The following SLC11A1 variants were observed in gnomAD, a reference collection of about 807,000 sequenced individuals.
SLC11A1 encodes the protein natural resistance-associated macrophage protein 1.
SLC11A1 carries 59 observed loss-of-function variants against 63.2 expected under a neutral mutation model. The ratio of observed to expected loss-of-function variants is 0.93; its 90% CI spans 0.76 to 1.16. The LOEUF is 1.16. Ranked by LOEUF, SLC11A1 falls within the 50% of genes most tolerant of loss-of-function variation. The pLI is 0.00. For missense variants in SLC11A1, 688 were observed against 730.7 expected, an observed-to-expected ratio of 0.94 and a Z score of 0.67; for synonymous variants, 305 against 307.8, an observed-to-expected ratio of 0.99 and a Z score of 0.09.
At position 218,390,038 on chromosome 2, in the gene SLC11A1, A is replaced by C; in HGVS notation, c.954+10A>C. The C allele has an allele frequency of 6.2e-7, 1 of 1,605,090 alleles. No homozygotes were observed. The highest frequency in any genetic ancestry group is 8.5e-7 in the Non-Finnish European group (1 of 1,175,140). On this transcript the variant is annotated intron_variant, in intron 9 of 14. Coordinates refer to ENST00000233202, the MANE Select transcript of SLC11A1 (RefSeq NM_000578.4). ...AACCAACCAGGCTGCGGTGAGACAC[A>C]CTTTCCCCCGCACCTGAGGCCACAC...
At position 218,386,752 on chromosome 2, in the gene SLC11A1, A is replaced by G. The variant is rs775964315; in HGVS notation, c.500+11A>G. On this transcript the variant is annotated intron_variant, in intron 5 of 14. Transcript: ENST00000233202. Reference sequence around the variant, plus strand: ...GCTCTCAGCTGGACGGTACCACCCCAGTGTACCCCAACTCTTCAGGCCAGG... The same window carrying G: ...GCTCTCAGCTGGACGGTACCACCCCGGTGTACCCCAACTCTTCAGGCCAGG... 1 of 1,597,348 alleles carries G rather than the reference A, an allele frequency of 6.3e-7. No individual in the cohort carries two copies. The highest frequency in any genetic ancestry group is 8.6e-7 in the Non-Finnish European group (1 of 1,165,008).
chr2:218,393,195 C>T (rs1051271984), intron 12 of SLC11A1, 65 bp downstream of exon 12: 2 of 1,414,204 alleles, frequency 1.4e-6, no homozygotes, highest in South Asian at 3.0e-5. Flanking sequence ...CAGCAACCCC[C>T]ACGCTGAGCC....
rs897077730 is a variant in SLC11A1 at position 218,386,634 on chromosome 2, G to A, written c.394-1G>A. 3.7e-6 allele frequency: 6 copies of A among 1,611,668 alleles called. No homozygotes were observed. The Admixed American group carries it at 1.0e-4, about 27-fold the overall frequency. On this transcript the variant is annotated splice_acceptor_variant, in intron 4 of 14. Transcript: ENST00000233202. LOFTEE classifies it high-confidence loss of function. The stretch of plus-strand genomic sequence containing the variant: ...AATGAAGGATCATCTCCTCCCCATA[G>A]GTGCCCCGCACCGTCCTCTGGCTGA...
chr2:218,384,324 A>G lies in SLC11A1; in HGVS notation c.232A>G (p.Ile78Val), dbSNP rs772415750. 4 of 1,608,580 alleles carry G rather than the reference A, an allele frequency of 2.5e-6. No individual in the cohort carries two copies. In the Admixed American group the frequency reaches 6.7e-5, roughly 27 times the overall value. The change falls in exon 3 of 15, where the codon ATC becomes GTC. Residue 78 changes from isoleucine (I) to valine (V), a missense_variant. Physicochemically the swap from Ile to Val is conservative, Grantham distance 29. Coordinates refer to ENST00000233202, the MANE Select transcript of SLC11A1 (RefSeq NM_000578.4). This position sits in a 1 kb window ranked among gnomAD's most constrained non-coding sequence, Gnocchi z 4.0. The stretch of plus-strand genomic sequence containing the variant: ...CATTGCTTTCCTGGACCCAGGAAAC[A>G]TCGAGTCAGATCTTCAGGCTGGCGC... Reference protein sequence around the residue: ...MSIAFLDPGNIESDLQAGAVA... With the variant: ...MSIAFLDPGNVESDLQAGAVA...
rs538268961 is a variant in SLC11A1 at position 218,384,111 on chromosome 2, C to A, written c.151-132C>A. The A allele has an allele frequency of 5.4e-5, 52 of 955,770 alleles. No individual in the cohort carries two copies. The East Asian group carries it at 1.4e-3, about 26-fold the overall frequency. The allele number at this position is 955,770 out of a possible 1,614,324, so 59.2% of individuals were successfully genotyped here. A position where few individuals can be genotyped will look rare whatever the true frequency, so the allele number is the denominator to read the frequency against. ...CCTCCCCATCCCTTGGGTGGCAGAC[C>A]CAGGAATGGGCCATGGAGGGCAGGG... is the stretch of plus-strand genomic sequence containing the variant. On this transcript the variant is annotated intron_variant, in intron 2 of 14. Transcript: ENST00000233202. The surrounding 1 kb of genome is among the most constrained non-coding windows in gnomAD (Gnocchi z 4.0).
At position 218,394,952 on chromosome 2, in the gene SLC11A1, G is replaced by A; in HGVS notation, c.1570G>A (p.Ala524Thr). The A allele has an allele frequency of 6.2e-7, 1 of 1,613,212 alleles. No homozygotes were observed. The highest frequency in any genetic ancestry group is 1.7e-4 in the Middle Eastern group (1 of 6,060). ...CTGGACCTGTTGCCTTGCCCACGGA[G>A]CCACCTTTCTGGCCCACAGCTCCCA... is the stretch of plus-strand genomic sequence containing the variant. ...LVWTCCLAHG[A>T]TFLAHSSHHH... The change falls in exon 15 of 15, where the codon GCC (alanine) becomes ACC (threonine). Residue 524 changes from alanine to threonine, a missense_variant. By Grantham distance (58) the Ala-to-Thr change is moderately conservative (BLOSUM62 0). Transcript: ENST00000233202.
In SLC11A1 at chr2:218,387,212, C is replaced by T; in HGVS notation, c.553C>T (p.Leu185Phe). ...LITIVDTFFFLFLDNYGLRKL... is the reference protein window; with the variant it reads ...LITIVDTFFFFFLDNYGLRKL... The stretch of plus-strand genomic sequence containing the variant: ...CACCATCGTGGACACCTTCTTCTTC[C>T]TCTTCCTCGATAACTACGGTGGGTG... Residue 185 changes from leucine to phenylalanine, a missense_variant, in exon 6 of 15, where the codon CTC (leucine) becomes TTC (phenylalanine). Physicochemically the swap from Leu to Phe is conservative, Grantham distance 22. Coordinates refer to ENST00000233202, the MANE Select transcript of SLC11A1 (RefSeq NM_000578.4). 6.2e-7 allele frequency: 1 copy of T among 1,613,876 alleles called. No homozygotes were observed.
At chr2:218,394,276 C>T in intron 13 of SLC11A1, 83 bp downstream of exon 13, 1 of 1,362,728 alleles carries the variant, frequency 7.3e-7, no homozygotes, top group Non-Finnish European at 1.0e-6. Context: ...CTACAATTCT[C>T]CCCATTATCC....
At chr2:218,394,023 C>T (rs1442793417) in intron 12 of SLC11A1, 97 bp from the exon 13 acceptor site, 1 of 1,234,428 alleles carries the variant, frequency 8.1e-7, no homozygotes, top group Non-Finnish European at 1.2e-6. Context: ...TGAGCTCACA[C>T]CCACACAGAG....
chr2:218,387,341 C>T, intron 6 of SLC11A1, 111 bp downstream of exon 6: 1 of 1,115,228 alleles, frequency 9.0e-7, no homozygotes, highest in South Asian at 1.4e-5. Flanking sequence ...CCTCACTCTC[C>T]CTGGGTGGCC....
chr2:218,383,303 G>T, intron 2 of SLC11A1: 1 of 583,150 alleles, frequency 1.7e-6, no homozygotes, highest in East Asian at 2.8e-5. Context: ...TTGTCTAAAA[G>T]CGATTAAATG....
Position 218,382,392 on chromosome 2 carries a change from A to AG in SLC11A1, c.7+20dup. 1 of 1,613,374 alleles carries AG rather than the reference A, an allele frequency of 6.2e-7. No individual in the cohort carries two copies. Among genetic ancestry groups the AG allele is most frequent in the Non-Finnish European group, 8.5e-7 (1 of 1,179,524 alleles). On this transcript the variant is annotated intron_variant, in intron 1 of 14. Transcript: ENST00000233202. The stretch of plus-strand genomic sequence containing the variant: ...CAATGACAGGTGAGTAGTGGCCCCT[A>AG]GGGACAGAGCCTGATTGGGGGGTGG...
At chr2:218,387,104 T>C (rs1696145974) in intron 5 of SLC11A1, 56 bp from the exon 6 acceptor site, 1 of 1,510,598 alleles carries the variant, frequency 6.6e-7, no homozygotes, top group Non-Finnish European at 9.2e-7. Flanking sequence ...TGAGGCTCCG[T>C]AGGAGTTAGA....
rs1005062448 is a variant in SLC11A1 at position 218,384,998 on chromosome 2, C to T, written c.274-149C>T. On this transcript the variant is annotated intron_variant, in intron 3 of 14. Transcript: ENST00000233202. This position sits in a 1 kb window ranked among gnomAD's most constrained non-coding sequence, Gnocchi z 4.0. The stretch of plus-strand genomic sequence containing the variant: ...TTAGCCTTTTAAAGTGCTGGGATTA[C>T]AGGGTGAGCTACCAGCGCCCAGCCA... The T allele has an allele frequency of 1.1e-5, 11 of 981,120 alleles. No individual in the cohort carries two copies. Among genetic ancestry groups the T allele is most frequent in the Non-Finnish European group, 1.3e-5 (9 of 667,980 alleles). 60.8% of individuals were successfully genotyped at this position (981,120 alleles called of 1,614,324 possible).
chr2:218,382,310 G>A lies in SLC11A1; in HGVS notation c.-59G>A. 2 of 1,605,042 alleles carry A rather than the reference G, an allele frequency of 1.2e-6. No homozygotes were observed. Among genetic ancestry groups the A allele is most frequent in the Non-Finnish European group, 1.7e-6 (2 of 1,174,420 alleles). On this transcript the variant is annotated 5_prime_UTR_variant, in exon 1 of 15. Coordinates refer to ENST00000233202, the MANE Select transcript of SLC11A1 (RefSeq NM_000578.4). ...ACCAGTGCCCAGAGAGGGGGTGCAG[G>A]CTGAGGAGCTGCCCAGAGCACCGCT...
Position 218,395,080 on chromosome 2 carries a change from G to A in SLC11A1, c.*45G>A, listed in dbSNP as rs1450312810. ...TGGGAGTGGCATGTATGACGTGACT[G>A]GCCTGCTGGATGTGGAGGGGGCGCG... On this transcript the variant is annotated 3_prime_UTR_variant, in exon 15 of 15. Coordinates refer to ENST00000233202, the MANE Select transcript of SLC11A1 (RefSeq NM_000578.4). The A allele has an allele frequency of 2.1e-6, 3 of 1,446,264 alleles. No homozygotes were observed. Among genetic ancestry groups the A allele is most frequent in the African/African-American group, 2.9e-5 (2 of 69,168 alleles). The allele number at this position is 1,446,264 out of a possible 1,614,324, so 89.6% of individuals were successfully genotyped here. A position where few individuals can be genotyped will look rare whatever the true frequency, so the allele number is the denominator to read the frequency against.
intron 12 of SLC11A1, among the ~76,000 whole-genome samples, 197 bp from the exon 13 acceptor site, chr2:218,393,923 C>T (rs1157912824): frequency 6.6e-6 from 1 of 152,058 alleles, no homozygotes; most frequent in East Asian, 1.9e-4. Flanking sequence ...CAACCTGGTG[C>T]CAGAGCCCCC....
chr2:218,396,590 GAA>G lies in SLC11A1; in HGVS notation c.*1556_*1557del, dbSNP rs1380171034. 1.3e-5 allele frequency: 2 copies of G among 152,454 alleles called. No individual in the cohort carries two copies. The highest frequency in any genetic ancestry group is 1.3e-4 in the Admixed American group (2 of 15,282). 9.4% of individuals were successfully genotyped at this position (152,454 alleles called of 1,614,324 possible). On this transcript the variant is annotated 3_prime_UTR_variant, in exon 15 of 15. Coordinates refer to ENST00000233202, the MANE Select transcript of SLC11A1 (RefSeq NM_000578.4). Reference sequence around the variant, plus strand: ...GATGCGAGTGGGTCCCTCAAGGAGAGAAGAGATGGGACCGGTCTGGTGCGACC... The same window carrying G: ...GATGCGAGTGGGTCCCTCAAGGAGAGGAGATGGGACCGGTCTGGTGCGACC...
chr2:218,387,856 G>A lies in SLC11A1; in HGVS notation c.696G>A (p.Ser232=). The change falls in exon 8 of 15, where the codon TCG becomes TCA. Residue 232 remains serine, a synonymous_variant. Transcript: ENST00000233202. The stretch of plus-strand genomic sequence containing the variant: ...TTCTTCGGGGCCTGTTCCTGCCCTC[G>A]TGCCCGGGCTGCGGCCACCCCGAGC... The part of the protein sequence containing the change: ...GALLRGLFLP[S]CPGCGHPELL... 1 of 1,601,706 alleles carries A rather than the reference G, an allele frequency of 6.2e-7. No homozygotes were observed. The highest frequency in any genetic ancestry group is 8.5e-7 in the Non-Finnish European group (1 of 1,174,382).
Sources: allele counts gnomAD v4.1 joint callset (sites outside exome capture counted in the v4.1 genomes callset), GRCh38; gene constraint gnomAD v4.1.1; non-coding constraint Gnocchi (gnomAD v3.1); transcripts MANE v1.5; gene names NCBI Gene and HGNC (gene_info 2026-07-23, HGNC 2026-07-21).